The following KCTD19 variants were observed in gnomAD, a reference collection of about 807,000 sequenced individuals.
The protein encoded by KCTD19 is potassium channel tetramerization domain containing 19, also known as BTB/POZ domain-containing protein KCTD19.
KCTD19 carries 67 observed loss-of-function variants against 103.5 expected under a neutral mutation model. The observed-to-expected ratio is 0.65, with a 90% CI of 0.53 to 0.79. KCTD19 has a LOEUF of 0.79. KCTD19 is among the 30% of genes least tolerant of loss of function. The pLI is 0.00. For synonymous variants in KCTD19, 439 were observed against 452.2 expected, an observed-to-expected ratio of 0.97 and a Z score of 0.37; for missense variants, 980 against 1,136.1, an observed-to-expected ratio of 0.86 and a Z score of 1.98.
At position 67,290,167 on chromosome 16, in the gene KCTD19, C is replaced by CT. The variant is rs11296444; in HGVS notation, c.2668-486dup. ...TTCCTTTGCCCTTACTGAATATTTTCTTTTTTTTTTTTTTTTTTTTTTTTT... is the reference window on the plus strand; with the variant it reads ...TTCCTTTGCCCTTACTGAATATTTTCTTTTTTTTTTTTTTTTTTTTTTTTTT... On this transcript the variant is annotated intron_variant, in intron 15 of 15. Coordinates refer to ENST00000304372, the MANE Select transcript of KCTD19 (RefSeq NM_001100915.3). Among the ~76,000 whole-genome samples, 271 of 69,338 alleles carry CT rather than the reference C, an allele frequency of 3.9e-3. 22 individuals carry two copies. Among genetic ancestry groups the CT allele is most frequent in the South Asian group, 5.7e-3 (8 of 1,412 alleles). 45.5% of individuals were successfully genotyped at this position (69,338 alleles called of 152,430 possible).
intron 2 of KCTD19, chr16:67,305,748 T>A (rs2036885875): frequency 8.7e-6 from 3 of 345,754 alleles, no homozygotes; most frequent in South Asian, 6.5e-5. Flanking sequence ...AGGCACCAGA[T>A]CCTCAAAATG....
At chr16:67,308,061 A>G (rs1248599921) in intron 2 of KCTD19, among the ~76,000 whole-genome samples, 1 of 152,046 alleles carries the variant, frequency 6.6e-6, no homozygotes, top group African/African-American at 2.4e-5. Context: ...TAAAGATTAA[A>G]TGAAATAGTA....
chr16:67,320,867 G>A lies in KCTD19; in HGVS notation c.22C>T (p.His8Tyr). Residue 8 changes from histidine to tyrosine, a missense_variant, in exon 2 of 16, where the codon CAT (histidine) becomes TAT (tyrosine). Physicochemically the swap from His to Tyr is moderately conservative, Grantham distance 83. Coordinates refer to ENST00000304372, the MANE Select transcript of KCTD19 (RefSeq NM_001100915.3). The surrounding 1 kb of genome is among the most constrained non-coding windows in gnomAD (Gnocchi z 4.0). MEESGMA[H>Y]ESAEDLFHFN... ...TGAAACAAGTCCTCTGCTGATTCAT[G>A]AGCCATGCCAGACTCCTCCTAAAGG... 1.9e-6 allele frequency: 3 copies of A among 1,613,570 alleles called. No homozygotes were observed. The highest frequency in any genetic ancestry group is 2.5e-6 in the Non-Finnish European group (3 of 1,179,792).
chr16:67,319,399 A>G (rs1480489970), intron 2 of KCTD19, among the ~76,000 whole-genome samples: 1 of 152,126 alleles, frequency 6.6e-6, no homozygotes, highest in Non-Finnish European at 1.5e-5. Flanking sequence ...GTGTTGAGGC[A>G]CAGTTGGTGG....
chr16:67,296,713 AGAAT>A (rs758370648), intron 7 of KCTD19, among the ~76,000 whole-genome samples: 6 of 152,190 alleles, frequency 3.9e-5, no homozygotes, highest in Non-Finnish European at 8.8e-5. Context: ...GCATGTCTGG[AGAAT>A]GGGGGCTGTA....
chr16:67,315,499 T>C (rs926570204), intron 2 of KCTD19, among the ~76,000 whole-genome samples: 1 of 151,900 alleles, frequency 6.6e-6, no homozygotes, highest in African/African-American at 2.4e-5. Flanking sequence ...TTTGTTTTTT[T>C]GAGACAGAGT....
At position 67,299,429 on chromosome 16, in the gene KCTD19, A is replaced by G. The variant is rs932849176; in HGVS notation, c.920T>C (p.Ile307Thr). ...YPDSALGQLR[I>T]ESTLDGSRLY... ...TCGGCTTCCGTCTAGCGTGCTCTCG[A>G]TGCGAAGCTGGCCCAGCGCAGAGTC... is the stretch of plus-strand genomic sequence containing the variant. Residue 307 changes from isoleucine (I) to threonine (T), a missense_variant, in exon 6 of 16, where the codon ATC becomes ACC. By Grantham distance (89) the Ile-to-Thr change is moderately conservative. Coordinates refer to ENST00000304372, the MANE Select transcript of KCTD19 (RefSeq NM_001100915.3). 1 of 1,614,112 alleles carries G rather than the reference A, an allele frequency of 6.2e-7. No homozygotes were observed. The highest frequency in any genetic ancestry group is 8.5e-7 in the Non-Finnish European group (1 of 1,180,046).
intron 2 of KCTD19, among the ~76,000 whole-genome samples, chr16:67,315,394 A>T (rs1477673818): frequency 7.4e-6 from 1 of 135,010 alleles, no homozygotes; most frequent in South Asian, 2.3e-4. Flanking sequence ...CAACCTCCAC[A>T]TCCTGGATTC....
Position 67,303,294 on chromosome 16 carries a change from C to A in KCTD19, c.495G>T (p.Leu165=). The change falls in exon 4 of 16, where the codon CTG becomes CTT. Residue 165 remains leucine, a synonymous_variant. Transcript: ENST00000304372. The surrounding 1 kb of genome is among the most constrained non-coding windows in gnomAD (Gnocchi z 4.3). ...AGTGCACCTCCTCTTCTGTGTCTAA[C>A]AGGGGTGTGTCCATGAGCCCCAGAG... is the stretch of plus-strand genomic sequence containing the variant. ...KAPLGLMDTP[L]LDTEEEVHYC... The A allele has an allele frequency of 6.2e-7, 1 of 1,614,044 alleles. No homozygotes were observed. The highest frequency in any genetic ancestry group is 8.5e-7 in the Non-Finnish European group (1 of 1,179,960).
chr16:67,291,140 A>G (rs1310360141), intron 14 of KCTD19, among the ~76,000 whole-genome samples, 154 bp from the exon 15 acceptor site: 1 of 152,238 alleles, frequency 6.6e-6, no homozygotes, highest in Non-Finnish European at 1.5e-5. Flanking sequence ...GGCTCAGTCC[A>G]GGTGCAACTG....
At chr16:67,305,826 A>C (rs2036886529) in intron 2 of KCTD19, among the ~76,000 whole-genome samples, 1 of 152,192 alleles carries the variant, frequency 6.6e-6, no homozygotes, top group Non-Finnish European at 1.5e-5. Flanking sequence ...ATGTCAATGA[A>C]GCCCTTGTGA....
chr16:67,320,197 GCC>G lies in KCTD19; in HGVS notation c.300+390_300+391del, dbSNP rs1428765687. On this transcript the variant is annotated intron_variant, in intron 2 of 15. Coordinates refer to ENST00000304372, the MANE Select transcript of KCTD19 (RefSeq NM_001100915.3). The surrounding 1 kb of genome is among the most constrained non-coding windows in gnomAD (Gnocchi z 4.0). ...AGGCCAATTAGAGAGGACGACTTGA[GCC>G]CAGGAGTTCAAGACCAATCTGGTCA... 6.6e-6 allele frequency among the ~76,000 whole-genome samples: 1 copy of G among 152,116 alleles called. No homozygotes were observed. The highest frequency in any genetic ancestry group is 1.5e-5 in the Non-Finnish European group (1 of 68,020).
chr16:67,303,336 G>A lies in KCTD19; in HGVS notation c.453C>T (p.Gly151=). The part of the protein sequence containing the change: ...EFPIKSPAFT[G]LHDKAPLGLM... ...GCCCCAGAGGTGCCTTATCATGTAG[G>A]CCTGGAAGAGAACATGCAGGCAGTG... Residue 151 remains glycine, a splice_region_variant and synonymous_variant, in exon 4 of 16, where the codon GGC becomes GGT. Coordinates refer to ENST00000304372, the MANE Select transcript of KCTD19 (RefSeq NM_001100915.3). The surrounding 1 kb of genome is among the most constrained non-coding windows in gnomAD (Gnocchi z 4.3). 1 of 1,606,592 alleles carries A rather than the reference G, an allele frequency of 6.2e-7. No individual in the cohort carries two copies. Among genetic ancestry groups the A allele is most frequent in the Non-Finnish European group, 8.5e-7 (1 of 1,175,388 alleles).
In KCTD19 at chr16:67,295,003, G is replaced by A; in HGVS notation, c.1445C>T (p.Ser482Leu). 6.2e-7 allele frequency: 1 copy of A among 1,613,832 alleles called. No homozygotes were observed. The highest frequency in any genetic ancestry group is 2.2e-5 in the East Asian group (1 of 44,890). The change falls in exon 10 of 16, where the codon TCA becomes TTA. Residue 482 changes from serine to leucine, a missense_variant. By Grantham distance (145) the Ser-to-Leu change is moderately radical (BLOSUM62 -2). Coordinates refer to ENST00000304372, the MANE Select transcript of KCTD19 (RefSeq NM_001100915.3). ...EVEEYHIPSLSEALAQCEAYK... is the reference protein window; with the variant it reads ...EVEEYHIPSLLEALAQCEAYK... The stretch of plus-strand genomic sequence containing the variant: ...TGCTTCACATTGTGCAAGGGCTTCT[G>A]AGAGGGATGGAATGTGGTATTCCTC...
intron 2 of KCTD19, among the ~76,000 whole-genome samples, chr16:67,310,270 G>A (rs1005588090): frequency 3.3e-5 from 5 of 152,118 alleles, no homozygotes; most frequent in South Asian, 2.1e-4. Context: ...GTCCTCTGCC[G>A]TATTTGCAGC....
intron 6 of KCTD19, among the ~76,000 whole-genome samples, chr16:67,298,014 G>C (rs1051520187): frequency 2.4e-5 from 3 of 124,896 alleles, no homozygotes; most frequent in African/African-American, 9.3e-5. Context: ...CTTTTTTTGA[G>C]ACGGAGTCTA....
At position 67,299,494 on chromosome 16, in the gene KCTD19, C is replaced by T. The variant is rs762961836; in HGVS notation, c.855G>A (p.Pro285=). 1.2e-5 allele frequency: 20 copies of T among 1,614,140 alleles called. No individual in the cohort carries two copies. Among genetic ancestry groups the T allele is most frequent in the African/African-American group, 6.7e-5 (5 of 75,040 alleles). The change falls in exon 6 of 16, where the codon CCG becomes CCA. Residue 285 remains proline (P), a synonymous_variant. Coordinates refer to ENST00000304372, the MANE Select transcript of KCTD19 (RefSeq NM_001100915.3). The part of the protein sequence containing the change: ...ARTASLESVK[P]LYTMALGLLV... The stretch of plus-strand genomic sequence containing the variant: ...GCAGACCCAGGGCCATTGTGTAGAG[C>T]GGTTTCACGGACTCCAGGCTGGCTG...
At chr16:67,297,310 G>A (rs1250291634) in intron 7 of KCTD19, among the ~76,000 whole-genome samples, 193 bp downstream of exon 7, 1 of 152,170 alleles carries the variant, frequency 6.6e-6, no homozygotes, top group African/African-American at 2.4e-5. Context: ...TGCTGGAGAC[G>A]AATTGTGGGC....
chr16:67,316,080 C>T (rs2037010717), intron 2 of KCTD19, among the ~76,000 whole-genome samples: 1 of 152,198 alleles, frequency 6.6e-6, no homozygotes, highest in African/African-American at 2.4e-5. Context: ...CTAGCTCTGT[C>T]ACCCTGGCCG....
Sources: gnomAD v4.1 joint callset for allele counts (sites outside exome capture counted in the v4.1 genomes callset) on GRCh38, gnomAD v4.1.1 for gene constraint, Gnocchi (gnomAD v3.1) non-coding constraint, MANE v1.5 for transcripts, NCBI Gene and HGNC (gene_info 2026-07-23, HGNC 2026-07-21) for gene names.